Variants in FECH observed in about 807,000 individuals in gnomAD.
FECH encodes the protein ferrochelatase.
In FECH, 40 loss-of-function variants were observed where a neutral mutation model predicts 56.9. The ratio of observed to expected loss-of-function variants is 0.70; its 90% CI spans 0.55 to 0.92. The LOEUF (loss-of-function observed/expected upper bound fraction) is 0.92. Among genes scored for constraint, FECH ranks in the 40% least tolerant of loss-of-function variants. FECH has a pLI of 0.00. For missense variants in FECH, 431 were observed against 529.1 expected, an observed-to-expected ratio of 0.81 and a Z score of 1.82; for synonymous variants, 175 against 198.6, an observed-to-expected ratio of 0.88 and a Z score of 1.00.
rs532041917 is a variant in FECH, at chr18:57,564,089, G to A, written c.599-1109C>T. On this transcript the variant is annotated intron_variant, in intron 5 of 10. Coordinates refer to ENST00000262093, the MANE Select transcript of FECH (RefSeq NM_000140.5). ...GACGGGGTTTCTCCATGTTGGTCAG[G>A]CTGGTCTCAAACTCCCAACCTCAGG... 1.3e-3 allele frequency among the ~76,000 whole-genome samples: 198 copies of A among 152,230 alleles called. 2 individuals carry two copies. Among genetic ancestry groups the A allele is most frequent in the Non-Finnish European group, 2.4e-3 (162 of 67,988 alleles).
rs1214236329 is a variant in FECH at position 57,545,176 on chromosome 18, A to G, written c.*5536T>C. On this transcript the variant is annotated 3_prime_UTR_variant, in exon 11 of 11. Coordinates refer to ENST00000262093, the MANE Select transcript of FECH (RefSeq NM_000140.5). ...TTCTGGAAACAAAACTGTCAGAGTG[A>G]AGGCTCACAAGAAATCAGAAACAGG... Among the ~76,000 whole-genome samples the G allele has an allele frequency of 6.6e-6, 1 of 152,232 alleles. No individual in the cohort carries two copies. Among genetic ancestry groups the G allele is most frequent in the African/African-American group, 2.4e-5 (1 of 41,462 alleles).
In FECH at chr18:57,586,574, C is replaced by G; in HGVS notation, c.47G>C (p.Gly16Ala). Reference sequence around the variant, plus strand: ...CTTACGCGGATCGCGGAGCAGGACGCCCGCGGCGCGCAGGGCCGCAGCCAT... The same window carrying G: ...CTTACGCGGATCGCGGAGCAGGACGGCCGCGGCGCGCAGGGCCGCAGCCAT... ...ANMAAALRAA[G>A]VLLRDPLASS... The change falls in exon 1 of 11, where the codon GGC becomes GCC. Residue 16 changes from glycine to alanine, a missense_variant. Transcript: ENST00000262093. The G allele has an allele frequency of 6.6e-7, 1 of 1,522,496 alleles. No homozygotes were observed. Among genetic ancestry groups the G allele is most frequent in the Non-Finnish European group, 8.8e-7 (1 of 1,141,816 alleles). 94.3% of individuals were successfully genotyped at this position (1,522,496 alleles called of 1,614,324 possible).
At chr18:57,554,118 A>G (rs2050835141) in intron 9 of FECH, 142 bp downstream of exon 9, 2 of 883,974 alleles carry the variant, frequency 2.3e-6, no homozygotes, top group South Asian at 3.0e-5. Context: ...ACTCAGATGA[A>G]GTATTATTCA....
chr18:57,568,058 A>T lies in FECH; in HGVS notation c.464-1477T>A, dbSNP rs554852383. The stretch of plus-strand genomic sequence containing the variant: ...TCAAAGATTATGTGCTTTGTGCTAA[A>T]AACCGCCAACTATTACAATACCATC... On this transcript the variant is annotated intron_variant, in intron 4 of 10. Transcript: ENST00000262093. Among the ~76,000 whole-genome samples, 119 of 152,338 alleles carry T rather than the reference A, an allele frequency of 7.8e-4. 3 individuals carry two copies. Among genetic ancestry groups the T allele is most frequent in the African/African-American group, 2.7e-3 (114 of 41,566 alleles).
intron 9 of FECH, among the ~76,000 whole-genome samples, chr18:57,553,353 G>T (rs928454849): frequency 1.3e-5 from 2 of 152,054 alleles, no homozygotes; most frequent in Admixed American, 6.5e-5. Context: ...ATTCCACGGG[G>T]ATCAGGTGTT....
chr18:57,564,488 T>C (rs35819056), intron 5 of FECH, among the ~76,000 whole-genome samples: 13,813 of 152,214 alleles, frequency 0.091, 741 homozygotes, highest in Non-Finnish European at 0.12. Context: ...AACATTTCCA[T>C]GCTTTCCATC....
At chr18:57,571,028 A>T (rs1599002634) in intron 4 of FECH, among the ~76,000 whole-genome samples, 1 of 152,370 alleles carries the variant, frequency 6.6e-6, no homozygotes, top group East Asian at 1.9e-4. Flanking sequence ...AGGCAATAAT[A>T]GCAGCAGCCT....
intron 1 of FECH, among the ~76,000 whole-genome samples, chr18:57,584,944 A>G (rs1025437863): frequency 6.7e-6 from 1 of 148,806 alleles, no homozygotes; most frequent in African/African-American, 2.5e-5. Context: ...CCAGGATTTC[A>G]AGGCTGCAGT....
chr18:57,555,084 T>C (rs1466405450), intron 7 of FECH, 132 bp from the exon 8 acceptor site: 6 of 732,448 alleles, frequency 8.2e-6, no homozygotes, highest in African/African-American at 1.7e-5. Context: ...AATGATGATA[T>C]GGTCTGAGTT....
intron 2 of FECH, among the ~76,000 whole-genome samples, chr18:57,574,460 G>T (rs2051157337): frequency 6.6e-6 from 1 of 152,192 alleles, no homozygotes; most frequent in Non-Finnish European, 1.5e-5. Context: ...CCAGGCTACA[G>T]AATCAACCCC....
At chr18:57,569,927 T>C (rs772504385) in intron 4 of FECH, among the ~76,000 whole-genome samples, 2 of 151,902 alleles carry the variant, frequency 1.3e-5, no homozygotes, top group African/African-American at 2.4e-5. Flanking sequence ...TCAACCTCCC[T>C]GGCTCAAGCG....
At chr18:57,559,826 C>T (rs1787997) in intron 6 of FECH, among the ~76,000 whole-genome samples, 3 of 151,912 alleles carry the variant, frequency 2.0e-5, no homozygotes, top group South Asian at 2.1e-4. Context: ...TTCACAGAGC[C>T]GGGAAAGATG....
In FECH at chr18:57,548,678, C is replaced by A. The variant is rs1204441602; in HGVS notation, c.*2034G>T. 4 of 152,230 alleles carry A rather than the reference C, an allele frequency of 2.6e-5. No homozygotes were observed. 9.4% of individuals were successfully genotyped at this position (152,230 alleles called of 1,614,324 possible). A position where few individuals can be genotyped will look rare whatever the true frequency, so the allele number is the denominator to read the frequency against. ...TGGTTAGTAACAATCAAAGGCAACA[C>A]TTCTTACAGCAACAAATGCCATGAG... On this transcript the variant is annotated 3_prime_UTR_variant, in exon 11 of 11. Transcript: ENST00000262093.
intron 4 of FECH, among the ~76,000 whole-genome samples, chr18:57,568,441 A>T (rs147520892): frequency 0.012 from 1,843 of 152,352 alleles, 24 homozygotes; most frequent in Non-Finnish European, 0.018. Flanking sequence ...ATATTGGAGA[A>T]AAAGCAGCAA....
At chr18:57,554,497 CT>C (rs2050843348) in intron 8 of FECH, 73 bp from the exon 9 acceptor site, 11 of 1,520,150 alleles carry the variant, frequency 7.2e-6, no homozygotes, top group South Asian at 1.1e-5. Flanking sequence ...GTTTGCCCCC[CT>C]GGGCACACGC....
chr18:57,578,388 C>T (rs774369204), intron 2 of FECH, among the ~76,000 whole-genome samples: 6 of 152,206 alleles, frequency 3.9e-5, no homozygotes, highest in East Asian at 1.9e-4. Flanking sequence ...TGGCCAGGCA[C>T]GGTGGCTCGT....
chr18:57,561,119 C>T (rs548472639), intron 6 of FECH, among the ~76,000 whole-genome samples: 1 of 152,260 alleles, frequency 6.6e-6, no homozygotes, highest in Admixed American at 6.5e-5. Context: ...AGGAGGCCCA[C>T]TGCAAGGTTT....
chr18:57,563,820 G>C (rs1489989176), intron 5 of FECH, among the ~76,000 whole-genome samples: 1 of 151,898 alleles, frequency 6.6e-6, no homozygotes, highest in African/African-American at 2.4e-5. Context: ...TGAGTATTTT[G>C]AGCATCTTTA....
chr18:57,559,101 C>T, intron 7 of FECH, 44 bp downstream of exon 7: 1 of 1,283,400 alleles, frequency 7.8e-7, no homozygotes, highest in Non-Finnish European at 1.1e-6. Context: ...TGAAATCACC[C>T]AATCCTCTAT....
Sources: gnomAD v4.1 joint callset for allele counts (sites outside exome capture counted in the v4.1 genomes callset) on GRCh38, gnomAD v4.1.1 for gene constraint, MANE v1.5 for transcripts, NCBI Gene and HGNC (gene_info 2026-07-23, HGNC 2026-07-21) for gene names.